VGLL3: variants seen among roughly 807,000 people sequenced by gnomAD.
VGLL3 encodes the protein transcription cofactor vestigial-like protein 3.
A neutral mutation model predicts 29.2 loss-of-function variants in VGLL3; 18 were observed. The ratio of observed to expected loss-of-function variants is 0.62; its 90% confidence interval spans 0.43 to 0.91. The LOEUF (loss-of-function observed/expected upper bound fraction) is 0.91. Among genes scored for constraint, VGLL3 ranks in the 40% least tolerant of loss-of-function variants. VGLL3 has a pLI of 0.00. For synonymous variants in VGLL3, 180 were observed against 151.8 expected, an observed-to-expected ratio of 1.19 and a Z score of -1.36; for missense variants, 440 against 413.2, an observed-to-expected ratio of 1.06 and a Z score of -0.56.
At position 86,949,830 on chromosome 3, in the gene VGLL3, A is replaced by C. The variant is rs1383168284; in HGVS notation, c.938-2763T>G. 4.6e-5 allele frequency among the ~76,000 whole-genome samples: 7 copies of C among 151,046 alleles called. No individual in the cohort carries two copies. The East Asian group carries it at 9.7e-4, about 21-fold the overall frequency. On this transcript the variant is annotated intron_variant, in intron 3 of 3. Coordinates refer to ENST00000398399, the MANE Select transcript of VGLL3 (RefSeq NM_016206.4). The stretch of plus-strand genomic sequence containing the variant: ...TGACAGAGCGAGACTCCATCTCAAA[A>C]AAAAAAAAAAAAGAAAAGAAAAGAA...
At chr3:86,970,483 GCACACACACACACACA>G (rs10694503) in intron 2 of VGLL3, among the ~76,000 whole-genome samples, 25 of 141,200 alleles carry the variant, frequency 1.8e-4, no homozygotes, top group Admixed American at 3.6e-4. Context: ...TTACACACAC[GCACACACACACACACA>G]CACACACACA....
chr3:86,955,342 G>T (rs1018029983), intron 3 of VGLL3, among the ~76,000 whole-genome samples: 1 of 150,022 alleles, frequency 6.7e-6, no homozygotes, highest in Non-Finnish European at 1.5e-5. Context: ...ATCAATTCTT[G>T]CATTGACATC....
chr3:86,953,365 T>C (rs539031244), intron 3 of VGLL3, among the ~76,000 whole-genome samples: 20 of 152,242 alleles, frequency 1.3e-4, no homozygotes, highest in African/African-American at 4.6e-4. Context: ...ATTTATTCTA[T>C]AGTATACTAT....
At chr3:86,968,542 T>C (rs775172160) in intron 3 of VGLL3, 48 bp downstream of exon 3, 166 of 1,536,166 alleles carry the variant, frequency 1.1e-4, no homozygotes, top group Non-Finnish European at 1.4e-4. Context: ...CACCCTTTCT[T>C]AAATTAACTT....
In VGLL3 at chr3:86,968,678, T is replaced by G; in HGVS notation, c.849A>C (p.Glu283Asp). The G allele has an allele frequency of 6.2e-7, 1 of 1,614,128 alleles. No individual in the cohort carries two copies. The part of the protein sequence containing the change: ...PAPQCDITKT[E>D]PTTVTSATSA... ...AGGTAGCAGAGGTGACTGTAGTTGG[T>G]TCTGTCTTTGTGATGTCACACTGGG... is the stretch of plus-strand genomic sequence containing the variant. Residue 283 changes from glutamate to aspartate, a missense_variant, in exon 3 of 4, where the codon GAA becomes GAC. By Grantham distance (45) the Glu-to-Asp change is conservative (BLOSUM62 2). Transcript: ENST00000398399.
chr3:86,967,774 C>A (rs1216003704), intron 3 of VGLL3, among the ~76,000 whole-genome samples: 1 of 152,144 alleles, frequency 6.6e-6, no homozygotes, highest in Admixed American at 6.5e-5. Flanking sequence ...ATTTCATGAG[C>A]TCAGAACTAT....
intron 2 of VGLL3, among the ~76,000 whole-genome samples, chr3:86,970,475 A>G (rs1302041024): frequency 1.9e-5 from 2 of 106,592 alleles, no homozygotes; most frequent in Non-Finnish European, 3.8e-5. Flanking sequence ...GCCATATATT[A>G]CACACACGCA....
intron 3 of VGLL3, chr3:86,962,663 A>G (rs1704877162): frequency 2.3e-6 from 2 of 873,508 alleles, no homozygotes; most frequent in Non-Finnish European, 2.7e-6. Flanking sequence ...GGTTCTCTTA[A>G]CCCCACAGTT....
intron 2 of VGLL3, among the ~76,000 whole-genome samples, chr3:86,970,559 C>T (rs1315713775): frequency 4.6e-5 from 7 of 150,944 alleles, no homozygotes; most frequent in Non-Finnish European, 7.4e-5. Context: ...AAAAGAGTTC[C>T]ATAGGCAGAA....
chr3:86,967,315 G>A (rs1704985215), intron 3 of VGLL3, among the ~76,000 whole-genome samples: 1 of 152,134 alleles, frequency 6.6e-6, no homozygotes, highest in Non-Finnish European at 1.5e-5. Context: ...TTGTTAGTAT[G>A]TGGCAAAGAA....
intron 3 of VGLL3, among the ~76,000 whole-genome samples, chr3:86,950,808 C>G (rs1703108242): frequency 6.6e-6 from 1 of 152,272 alleles, no homozygotes; most frequent in South Asian, 2.1e-4. Flanking sequence ...AAATTAACCA[C>G]CACACCCCCT....
intron 1 of VGLL3, among the ~76,000 whole-genome samples, chr3:86,979,584 T>C (rs991210668): frequency 2.0e-5 from 3 of 152,146 alleles, no homozygotes; most frequent in African/African-American, 7.2e-5. Context: ...ATTTCAGACA[T>C]GTTTCTAAAA....
At chr3:86,959,771 C>T (rs1704800648) in intron 3 of VGLL3, among the ~76,000 whole-genome samples, 5 of 152,036 alleles carry the variant, frequency 3.3e-5, no homozygotes, top group South Asian at 2.1e-4. Flanking sequence ...ATTAACATAT[C>T]GTAACTAACT....
chr3:86,986,138 C>A (rs1559735614), intron 1 of VGLL3, among the ~76,000 whole-genome samples: 1 of 152,044 alleles, frequency 6.6e-6, no homozygotes, highest in African/African-American at 2.4e-5. Context: ...AGACTTTCCA[C>A]TCTAAACACC....
intron 3 of VGLL3, among the ~76,000 whole-genome samples, chr3:86,956,561 C>A (rs905408945): frequency 6.6e-6 from 1 of 152,026 alleles, no homozygotes; most frequent in African/African-American, 2.4e-5. Context: ...CCGAGGCGGG[C>A]GGATCACGAG....
intron 3 of VGLL3, among the ~76,000 whole-genome samples, chr3:86,967,395 C>T (rs1163998979): frequency 6.6e-6 from 1 of 152,174 alleles, no homozygotes; most frequent in Non-Finnish European, 1.5e-5. Context: ...TCCCCTGATA[C>T]TTTGTTTAGA....
chr3:86,981,664 T>C (rs970705682), intron 1 of VGLL3, among the ~76,000 whole-genome samples: 4 of 152,088 alleles, frequency 2.6e-5, no homozygotes, highest in Non-Finnish European at 4.4e-5. Context: ...TCGATTCTTT[T>C]ACTAATTAAA....
chr3:86,975,592 C>T (rs943744066), intron 2 of VGLL3, among the ~76,000 whole-genome samples: 6 of 151,932 alleles, frequency 3.9e-5, no homozygotes, highest in South Asian at 2.1e-4. Context: ...TTTCTAATTC[C>T]GGATACATGG....
chr3:86,951,370 A>C (rs531454002), intron 3 of VGLL3, among the ~76,000 whole-genome samples: 1 of 152,240 alleles, frequency 6.6e-6, no homozygotes, highest in South Asian at 2.1e-4. Flanking sequence ...CTACTGTGTG[A>C]TCACCTGAGA....
Sources: gnomAD v4.1 joint callset for allele counts (sites outside exome capture counted in the v4.1 genomes callset) on GRCh38, gnomAD v4.1.1 for gene constraint, MANE v1.5 for transcripts, NCBI Gene and HGNC (gene_info 2026-07-23, HGNC 2026-07-21) for gene names.